RAD54B: variants seen among roughly 807,000 people sequenced by gnomAD.
RAD54B encodes DNA repair and recombination protein RAD54B.
A neutral mutation model predicts 95.8 loss-of-function variants in RAD54B; 78 were observed. That is an observed-to-expected ratio of 0.81 (90% CI 0.68 to 0.98). The LOEUF (loss-of-function observed/expected upper bound fraction) is 0.98, where lower values mean the gene tolerates loss of function less well. Among genes scored for constraint, RAD54B ranks in the 50% least tolerant of loss-of-function variants. The probability of loss-of-function intolerance (pLI) is 0.00; values close to 1 mark genes in which losing one functional copy is unlikely to be tolerated. For missense variants in RAD54B, 957 were observed against 1,056.6 expected, an observed-to-expected ratio of 0.91 and a Z score of 1.31; for synonymous variants, 328 against 354.9, an observed-to-expected ratio of 0.92 and a Z score of 0.85.
rs537676947 is a variant in RAD54B at position 94,399,006 on chromosome 8, A to G, written c.1378+408T>C. On this transcript the variant is annotated intron_variant, in intron 8 of 14. Transcript: ENST00000336148. ...TCAGGTAGTTTCCCAAGAACTTTAC[A>G]TTGATTAACTCCTCTGACCCTCATG... 3.3e-5 allele frequency among the ~76,000 whole-genome samples: 5 copies of G among 152,256 alleles called. No homozygotes were observed. The South Asian group carries it at 1.0e-3, about 32-fold the overall frequency.
intron 3 of RAD54B, among the ~76,000 whole-genome samples, chr8:94,457,447 C>T (rs1315041309): frequency 3.3e-5 from 5 of 152,140 alleles, no homozygotes; most frequent in Non-Finnish European, 1.5e-5. Context: ...TAGGTAAATA[C>T]AGAATTCCTT....
intron 4 of RAD54B, among the ~76,000 whole-genome samples, chr8:94,408,179 A>C (rs1459426522): frequency 6.6e-6 from 1 of 152,216 alleles, no homozygotes; most frequent in Non-Finnish European, 1.5e-5. Flanking sequence ...GAGATAGCAA[A>C]GTTAAAATAC....
At chr8:94,407,416 T>C (rs1811416943) in intron 5 of RAD54B, 23 bp downstream of exon 5, 5 of 1,560,540 alleles carry the variant, frequency 3.2e-6, no homozygotes, top group Non-Finnish European at 4.3e-6. Flanking sequence ...AACAGAAAAT[T>C]CAAATTATTT....
chr8:94,469,746 G>A (rs951563379), intron 1 of RAD54B, among the ~76,000 whole-genome samples: 6 of 152,162 alleles, frequency 3.9e-5, no homozygotes, highest in African/African-American at 1.2e-4. Context: ...TGGCAACAGT[G>A]ACAGATACAT....
At chr8:94,417,209 ATT>A (rs1388199156) in intron 3 of RAD54B, among the ~76,000 whole-genome samples, 1 of 152,160 alleles carries the variant, frequency 6.6e-6, no homozygotes, top group South Asian at 2.1e-4. Context: ...CAGAAAATAG[ATT>A]AATGGTTGCT....
In RAD54B at chr8:94,387,035, T is replaced by C; in HGVS notation, c.1934A>G (p.Gln645Arg). 6.2e-7 allele frequency: 1 copy of C among 1,612,566 alleles called. No homozygotes were observed. The highest frequency in any genetic ancestry group is 8.5e-7 in the Non-Finnish European group (1 of 1,179,578). Residue 645 changes from glutamine to arginine, a missense_variant, in exon 11 of 15, where the codon CAG becomes CGG. Gln to Arg is a conservative substitution (Grantham distance 43). Transcript: ENST00000336148. ...AACCGCTAAGAGCTTGGACAACACC[T>C]GTAGTTTTCCTGACTCCTTTTCAGT... ...LFTEKESGKL[Q>R]VLSKLLAVIH...
rs78740313 is a variant in RAD54B, at chr8:94,462,150, G to C, written c.136-3714C>G. On this transcript the variant is annotated intron_variant, in intron 2 of 14. Transcript: ENST00000336148. ...GATTAGTTTCAGATTGTGAATTTGG[G>C]GCAAGAATACAACAGTTCATCATAT... 9.8e-3 allele frequency among the ~76,000 whole-genome samples: 1,494 copies of C among 152,144 alleles called. 22 individuals are homozygous for C. Among genetic ancestry groups the C allele is most frequent in the African/African-American group, 0.033 (1,359 of 41,472 alleles).
chr8:94,391,838 A>G lies in RAD54B; in HGVS notation c.1580T>C (p.Ile527Thr). The stretch of plus-strand genomic sequence containing the variant: ...TATAATTTCTTGGGTTCTTCTAAGG[A>G]TAAAGAGTCCAGTGAGGCAAGTAAG... ...AELTCLTGLF[I>T]LRRTQEIINK... The change falls in exon 10 of 15, where the codon ATC becomes ACC. Residue 527 changes from isoleucine to threonine, a missense_variant. Transcript: ENST00000336148. 3.1e-6 allele frequency: 5 copies of G among 1,613,908 alleles called. No individual in the cohort carries two copies. The highest frequency in any genetic ancestry group is 4.2e-6 in the Non-Finnish European group (5 of 1,179,948).
chr8:94,455,477 T>C (rs1459635402), intron 3 of RAD54B, among the ~76,000 whole-genome samples: 2 of 152,194 alleles, frequency 1.3e-5, no homozygotes, highest in Non-Finnish European at 2.9e-5. Context: ...GAAGATGGCA[T>C]AGTCTCCTCT....
intron 2 of RAD54B, among the ~76,000 whole-genome samples, chr8:94,466,000 G>A (rs1813015387): frequency 6.6e-6 from 1 of 152,212 alleles, no homozygotes; most frequent in Non-Finnish European, 1.5e-5. Context: ...GTTATCAGGA[G>A]CTGAGTGGAG....
At chr8:94,451,304 T>A (rs1193986445) in intron 3 of RAD54B, among the ~76,000 whole-genome samples, 1 of 152,160 alleles carries the variant, frequency 6.6e-6, no homozygotes, top group African/African-American at 2.4e-5. Context: ...TCTGAGACAA[T>A]CTGAGCATCA....
intron 1 of RAD54B, among the ~76,000 whole-genome samples, chr8:94,467,777 GA>G (rs1443679675): frequency 6.6e-6 from 1 of 152,192 alleles, no homozygotes; most frequent in Non-Finnish European, 1.5e-5. Context: ...TGATTAGCAA[GA>G]AGGTAATAGC....
Position 94,399,431 on chromosome 8 carries a change from T to G in RAD54B, c.1361A>C (p.Lys454Thr). Reference protein sequence around the residue: ...TTALISLSCEKRIILTGTPIQ... With the variant: ...TTALISLSCETRIILTGTPIQ... Reference sequence around the variant, plus strand: ...ATACTGACCAGTTAGAATTATTCTTTTCTCACAAGAAAGGCTAATGAGGGC... The same window carrying G: ...ATACTGACCAGTTAGAATTATTCTTGTCTCACAAGAAAGGCTAATGAGGGC... The change falls in exon 8 of 15, where the codon AAA (lysine) becomes ACA (threonine). Residue 454 changes from lysine to threonine, a missense_variant. Coordinates refer to ENST00000336148, the MANE Select transcript of RAD54B (RefSeq NM_012415.3). The G allele has an allele frequency of 6.2e-7, 1 of 1,613,326 alleles. No individual in the cohort carries two copies. The highest frequency in any genetic ancestry group is 8.5e-7 in the Non-Finnish European group (1 of 1,179,526).
At chr8:94,417,262 G>A (rs555391773) in intron 3 of RAD54B, among the ~76,000 whole-genome samples, 1 of 152,074 alleles carries the variant, frequency 6.6e-6, no homozygotes, top group South Asian at 2.1e-4. Context: ...GCAGGGTGGT[G>A]GTAGCTAAAG....
At chr8:94,431,578 T>C (rs2930961) in intron 3 of RAD54B, 301,461 of 931,360 alleles carry the variant, frequency 0.32, 49,560 homozygotes, top group Admixed American at 0.47. Context: ...AAGTAAGTCA[T>C]TGAGTTCTCC....
At chr8:94,444,567 CA>C (rs1289490053) in intron 3 of RAD54B, among the ~76,000 whole-genome samples, 2 of 152,146 alleles carry the variant, frequency 1.3e-5, no homozygotes, top group African/African-American at 4.8e-5. Context: ...TAATTCTTGG[CA>C]AACAACTCCA....
At chr8:94,417,253 C>A (rs1811695755) in intron 3 of RAD54B, among the ~76,000 whole-genome samples, 1 of 151,996 alleles carries the variant, frequency 6.6e-6, no homozygotes, top group Non-Finnish European at 1.5e-5. Context: ...GGTTAGGAAG[C>A]AGGGTGGTGG....
chr8:94,451,295 C>A (rs1812651818), intron 3 of RAD54B, among the ~76,000 whole-genome samples: 1 of 152,156 alleles, frequency 6.6e-6, no homozygotes, highest in Non-Finnish European at 1.5e-5. Flanking sequence ...TTGGCCAAAT[C>A]TGAGACAATC....
intron 4 of RAD54B, 26 bp downstream of exon 4, chr8:94,411,095 G>A (rs367571855): frequency 1.6e-5 from 25 of 1,536,670 alleles, no homozygotes; most frequent in Non-Finnish European, 1.9e-5. Flanking sequence ...AGGCCAAACT[G>A]TAAACATTAG....
Sources: allele counts gnomAD v4.1 joint callset (sites outside exome capture counted in the v4.1 genomes callset), GRCh38; gene constraint gnomAD v4.1.1; transcripts MANE v1.5; gene names NCBI Gene and HGNC (gene_info 2026-07-23, HGNC 2026-07-21).